The following NCOA6 variants were observed in gnomAD, a reference collection of about 807,000 sequenced individuals.
NCOA6 encodes the protein nuclear receptor coactivator 6, also known as NRC RAP250.
Under a neutral mutation model 171.4 loss-of-function variants are expected in NCOA6, and 49 were observed. That is an observed-to-expected ratio of 0.29 (90% CI 0.23 to 0.36). The LOEUF (loss-of-function observed/expected upper bound fraction) is 0.36, where lower values mean the gene tolerates loss of function less well. Among genes scored for constraint, NCOA6 ranks in the 10% least tolerant of loss-of-function variants. NCOA6 has a pLI of 1.00. For missense variants in NCOA6, 2,248 were observed against 2,554.5 expected, an observed-to-expected ratio of 0.88 and a Z score of 2.59; for synonymous variants, 910 against 927.5, an observed-to-expected ratio of 0.98 and a Z score of 0.34.
At chr20:34,811,105 A>G (rs1395929126) in intron 1 of NCOA6, among the ~76,000 whole-genome samples, 1 of 149,804 alleles carries the variant, frequency 6.7e-6, no homozygotes, top group African/African-American at 2.5e-5. Context: ...TATTAAAATG[A>G]GAGGATGAAC....
chr20:34,753,634 T>C (rs2076559570), intron 8 of NCOA6, among the ~76,000 whole-genome samples: 1 of 151,844 alleles, frequency 6.6e-6, no homozygotes. Context: ...CACTCCAGCT[T>C]GAGCGACGGA....
At chr20:34,721,491 G>A (rs537350230) in intron 14 of NCOA6, among the ~76,000 whole-genome samples, 191 of 152,152 alleles carry the variant, frequency 1.3e-3, no homozygotes, top group African/African-American at 4.6e-3. Context: ...GGGTTGCGGG[G>A]GAGACAGTTT....
chr20:34,818,148 C>T (rs1214295648), intron 1 of NCOA6, among the ~76,000 whole-genome samples: 1 of 152,218 alleles, frequency 6.6e-6, no homozygotes, highest in African/African-American at 2.4e-5. Flanking sequence ...TAAAATGCTA[C>T]TTATGAAATA....
chr20:34,771,863 T>G (rs1715245070), intron 4 of NCOA6, among the ~76,000 whole-genome samples: 1 of 152,218 alleles, frequency 6.6e-6, no homozygotes, highest in Admixed American at 6.5e-5. Context: ...GTAACTTTTA[T>G]CAGAACATCT....
chr20:34,776,516 AC>A, intron 3 of NCOA6, 68 bp from the exon 4 acceptor site: 1 of 1,555,264 alleles, frequency 6.4e-7, no homozygotes, highest in Non-Finnish European at 8.8e-7. Context: ...GAATTAAAAA[AC>A]AAACCAAAAG....
Position 34,757,917 on chromosome 20 carries a change from TTGCTGCTGC to T in NCOA6, c.822_830del (p.Gln283_Gln285del), listed in dbSNP as rs752981889. On this transcript the variant is annotated inframe_deletion, in exon 7 of 15. Coordinates refer to ENST00000359003, the MANE Select transcript of NCOA6 (RefSeq NM_014071.5). Reference sequence around the variant, plus strand: ...ACTGTTGTTGCTGCTGTTGCTGTTGTTGCTGCTGCTGCTGCTGCTGCTGCTGTTGTTGTT... The same window carrying T: ...ACTGTTGTTGCTGCTGTTGCTGTTGTTGCTGCTGCTGCTGCTGTTGTTGTT... 1.3e-4 allele frequency: 210 copies of T among 1,612,892 alleles called. No homozygotes were observed. Among genetic ancestry groups the T allele is most frequent in the African/African-American group, 8.3e-4 (62 of 74,890 alleles).
At position 34,743,259 on chromosome 20, in the gene NCOA6, C is replaced by T; in HGVS notation, c.2997G>A (p.Gln999=). 6.2e-7 allele frequency: 1 copy of T among 1,613,934 alleles called. No individual in the cohort carries two copies. Among genetic ancestry groups the T allele is most frequent in the Non-Finnish European group, 8.5e-7 (1 of 1,179,996 alleles). Residue 999 remains glutamine, a synonymous_variant, in exon 11 of 15, where the codon CAG becomes CAA. Transcript: ENST00000359003. ...GTGGCTGTGGCTGCTGCTGTGGTGG[C>T]TGTGGTGGGGGTGCCACATGCTGCA... ...QLMQHVAPPP[Q]PPQQQPQPQL...
intron 14 of NCOA6, among the ~76,000 whole-genome samples, chr20:34,723,965 A>G (rs1365148959): frequency 1.3e-5 from 2 of 152,232 alleles, no homozygotes; most frequent in Admixed American, 6.5e-5. Flanking sequence ...ATAGCCTAGA[A>G]GATCTTACTC....
intron 11 of NCOA6, among the ~76,000 whole-genome samples, chr20:34,740,038 T>G (rs2076082467): frequency 1.3e-5 from 2 of 152,152 alleles, no homozygotes; most frequent in Non-Finnish European, 2.9e-5. Flanking sequence ...AATTTTTGAA[T>G]TTTTAGTACA....
intron 1 of NCOA6, among the ~76,000 whole-genome samples, chr20:34,806,850 GCT>G (rs2078468016): frequency 6.6e-6 from 1 of 152,162 alleles, no homozygotes; most frequent in South Asian, 2.1e-4. Flanking sequence ...CTCCAGCTTT[GCT>G]CTTTTTGCTC....
At position 34,791,648 on chromosome 20, in the gene NCOA6, C is replaced by A. The variant is rs185220505; in HGVS notation, c.-50+802G>T. On this transcript the variant is annotated intron_variant, in intron 2 of 14. Coordinates refer to ENST00000359003, the MANE Select transcript of NCOA6 (RefSeq NM_014071.5). Reference sequence around the variant, plus strand: ...CTCAGTAACTTGCAAATGTCAGTGTCTTTAAGGAAAACCAGCAATAAACTC... The same window carrying A: ...CTCAGTAACTTGCAAATGTCAGTGTATTTAAGGAAAACCAGCAATAAACTC... Among the ~76,000 whole-genome samples, 200 of 152,280 alleles carry A rather than the reference C, an allele frequency of 1.3e-3. 3 individuals carry two copies. Among genetic ancestry groups the A allele is most frequent in the African/African-American group, 4.6e-3 (192 of 41,556 alleles).
chr20:34,819,119 C>A (rs946574328), intron 1 of NCOA6, among the ~76,000 whole-genome samples: 1 of 152,148 alleles, frequency 6.6e-6, no homozygotes, highest in Non-Finnish European at 1.5e-5. Flanking sequence ...CCCACAAACT[C>A]ATCTGTCAAT....
chr20:34,793,846 A>C (rs934538821), intron 1 of NCOA6, among the ~76,000 whole-genome samples: 1 of 152,248 alleles, frequency 6.6e-6, no homozygotes, highest in Non-Finnish European at 1.5e-5. Flanking sequence ...ATACAGGCAC[A>C]TAAAATAAAA....
intron 1 of NCOA6, among the ~76,000 whole-genome samples, chr20:34,823,745 A>G (rs1301853381): frequency 6.6e-6 from 1 of 151,798 alleles, no homozygotes; most frequent in Non-Finnish European, 1.5e-5. Context: ...TCGCCCAGGC[A>G]GGAATGTCAT....
Position 34,749,256 on chromosome 20 carries a change from C to T in NCOA6, c.2792+147G>A, listed in dbSNP as rs115506554. ...TAATGGAAGAGAGTACAGATGAAGG[C>T]AAGACAGACTATGAGTTGATAATTA... On this transcript the variant is annotated intron_variant, in intron 9 of 14. Coordinates refer to ENST00000359003, the MANE Select transcript of NCOA6 (RefSeq NM_014071.5). 2,362 of 1,034,026 alleles carry T rather than the reference C, an allele frequency of 2.3e-3. 38 individuals are homozygous for T. In the African/African-American group the frequency reaches 0.032, roughly 14 times the overall value. 64.1% of individuals were successfully genotyped at this position (1,034,026 alleles called of 1,614,324 possible). A position where few individuals can be genotyped will look rare whatever the true frequency, so the allele number is the denominator to read the frequency against.
chr20:34,751,056 T>C (rs1003169737), intron 8 of NCOA6, among the ~76,000 whole-genome samples: 2 of 151,790 alleles, frequency 1.3e-5, no homozygotes, highest in Non-Finnish European at 2.9e-5. Context: ...TATGGGCTAC[T>C]GAAATAACTC....
At chr20:34,715,608 T>C (rs1988453564) in intron 14 of NCOA6, among the ~76,000 whole-genome samples, 1 of 152,172 alleles carries the variant, frequency 6.6e-6, no homozygotes, top group African/African-American at 2.4e-5. Context: ...GCACACTGAC[T>C]AGAGAAAGTG....
At position 34,722,356 on chromosome 20, in the gene NCOA6, G is replaced by A. The variant is rs1215420548; in HGVS notation, c.6148+4903C>T. ...AGATCACACCATTGCACTCCAGCCTGGGCGATGGAGTGAGACTCCGTCTAA... is the reference window on the plus strand; with the variant it reads ...AGATCACACCATTGCACTCCAGCCTAGGCGATGGAGTGAGACTCCGTCTAA... On this transcript the variant is annotated intron_variant, in intron 14 of 14. Transcript: ENST00000359003. 2.0e-5 allele frequency among the ~76,000 whole-genome samples: 3 copies of A among 151,780 alleles called. No individual in the cohort carries two copies. In the East Asian group the frequency reaches 5.8e-4, roughly 29 times the overall value.
chr20:34,811,464 T>C (rs2078662547), intron 1 of NCOA6, among the ~76,000 whole-genome samples: 1 of 151,938 alleles, frequency 6.6e-6, no homozygotes, highest in South Asian at 2.1e-4. Context: ...GAGACTCTTT[T>C]GCCTGCATTT....
Sources: gnomAD v4.1 joint callset for allele counts (sites outside exome capture counted in the v4.1 genomes callset) on GRCh38, gnomAD v4.1.1 for gene constraint, MANE v1.5 for transcripts, NCBI Gene and HGNC (gene_info 2026-07-23, HGNC 2026-07-21) for gene names.